GPR39: variants seen among roughly 807,000 people sequenced by gnomAD.
GPR39 encodes the protein zinc sensing receptor.
In GPR39, 23 loss-of-function variants were observed where a neutral mutation model predicts 18.4. The observed-to-expected ratio is 1.25, with a 90% confidence interval of 0.90 to 1.77. The LOEUF is 1.77. GPR39 is among the 40% of genes most tolerant of loss of function. The pLI is 0.00. For synonymous variants in GPR39, 280 were observed against 257.9 expected, an observed-to-expected ratio of 1.09 and a Z score of -0.82; for missense variants, 647 against 602.4, an observed-to-expected ratio of 1.07 and a Z score of -0.78.
At chr2:132,492,710 T>TACACACCATATATATATAATATATAC (rs1297089309) in intron 1 of GPR39, among the ~76,000 whole-genome samples, 2 of 142,210 alleles carry the variant, frequency 1.4e-5, no homozygotes, top group Non-Finnish European at 3.0e-5. Context: ...ATAATATATA[T>TACACACCATATATATATAATATATAC]ACACACCATA....
chr2:132,523,990 A>G (rs1325998087), intron 1 of GPR39: 1 of 152,676 alleles, frequency 6.5e-6, no homozygotes, highest in Admixed American at 6.5e-5. Context: ...ACTTTTGAGA[A>G]ATGCAAATTA....
chr2:132,646,067 G>A lies in GPR39; in HGVS notation c.*461G>A. On this transcript the variant is annotated 3_prime_UTR_variant, in exon 2 of 2. Coordinates refer to ENST00000329321, the MANE Select transcript of GPR39 (RefSeq NM_001508.3). ...GCTTCAGCAGTGTGCCGAGAAGAGG[G>A]CTAATTTGAGGAACAGGATGGTGGT... The A allele has an allele frequency of 6.3e-7, 1 of 1,588,328 alleles. No homozygotes were observed.
chr2:132,516,438 G>A (rs1178521834), intron 1 of GPR39, among the ~76,000 whole-genome samples: 1 of 152,154 alleles, frequency 6.6e-6, no homozygotes, highest in Non-Finnish European at 1.5e-5. Context: ...GTTCAATACA[G>A]GACAGGGAAG....
rs114880551 is a variant in GPR39 at position 132,614,455 on chromosome 2, C to T, written c.857-30646C>T. On this transcript the variant is annotated intron_variant, in intron 1 of 1. Coordinates refer to ENST00000329321, the MANE Select transcript of GPR39 (RefSeq NM_001508.3). ...CCTCGTGATCTTGATCTCTTGACCT[C>T]GTCTTGATCTCTTGACCTTGTGATC... 8.3e-3 allele frequency among the ~76,000 whole-genome samples: 1,261 copies of T among 152,162 alleles called. 16 individuals carry two copies. Among genetic ancestry groups the T allele is most frequent in the African/African-American group, 0.028 (1,182 of 41,496 alleles).
intron 1 of GPR39, among the ~76,000 whole-genome samples, chr2:132,512,731 G>A (rs962654019): frequency 2.6e-5 from 4 of 152,176 alleles, no homozygotes; most frequent in Non-Finnish European, 2.9e-5. Flanking sequence ...TACACAGAGC[G>A]CAGTCATACA....
intron 1 of GPR39, among the ~76,000 whole-genome samples, chr2:132,505,068 T>G (rs1266025623): frequency 1.3e-5 from 2 of 152,178 alleles, no homozygotes; most frequent in Non-Finnish European, 2.9e-5. Context: ...ACTGGATAAT[T>G]AAGAAAGAAA....
chr2:132,605,304 T>A (rs1164971793), intron 1 of GPR39, among the ~76,000 whole-genome samples: 1 of 151,576 alleles, frequency 6.6e-6, no homozygotes, highest in African/African-American at 2.4e-5. Context: ...TAGGCTGGAG[T>A]AAGAGGAGAT....
At chr2:132,420,350 G>A (rs1679987724) in intron 1 of GPR39, among the ~76,000 whole-genome samples, 1 of 152,136 alleles carries the variant, frequency 6.6e-6, no homozygotes, top group Non-Finnish European at 1.5e-5. Flanking sequence ...ACTCAAGTTA[G>A]GAAATAAATT....
intron 1 of GPR39, among the ~76,000 whole-genome samples, chr2:132,520,052 C>G (rs1558824494): frequency 6.6e-6 from 1 of 152,150 alleles, no homozygotes; most frequent in African/African-American, 2.4e-5. Flanking sequence ...GGATTTCCTT[C>G]TCTTCCCTTC....
intron 1 of GPR39, among the ~76,000 whole-genome samples, chr2:132,428,691 A>G (rs1294813449): frequency 6.6e-6 from 1 of 152,232 alleles, no homozygotes; most frequent in Non-Finnish European, 1.5e-5. Context: ...TATGAGAAGC[A>G]CTGATCTACA....
chr2:132,426,388 T>C (rs906910385), intron 1 of GPR39, among the ~76,000 whole-genome samples: 2 of 152,224 alleles, frequency 1.3e-5, no homozygotes, highest in Non-Finnish European at 2.9e-5. Flanking sequence ...ATTGAATTGA[T>C]CTTATAATTA....
chr2:132,625,767 C>A (rs972628995), intron 1 of GPR39, among the ~76,000 whole-genome samples: 1 of 152,138 alleles, frequency 6.6e-6, no homozygotes, highest in African/African-American at 2.4e-5. Context: ...GCTTCATTAA[C>A]CTTCTGACAT....
intron 1 of GPR39, among the ~76,000 whole-genome samples, chr2:132,611,056 G>A (rs1252391714): frequency 6.6e-6 from 1 of 152,200 alleles, no homozygotes; most frequent in Non-Finnish European, 1.5e-5. Context: ...GGTCCAGTCA[G>A]CCATTTCTGC....
At chr2:132,445,423 T>C (rs1680517180) in intron 1 of GPR39, among the ~76,000 whole-genome samples, 1 of 152,202 alleles carries the variant, frequency 6.6e-6, no homozygotes, top group Non-Finnish European at 1.5e-5. Context: ...TACTGACTTA[T>C]TTCCATGATG....
intron 1 of GPR39, among the ~76,000 whole-genome samples, chr2:132,514,219 G>T (rs1472900666): frequency 6.6e-6 from 1 of 152,050 alleles, no homozygotes; most frequent in Non-Finnish European, 1.5e-5. Context: ...CCTAGCCCAG[G>T]CCACTTGGTT....
intron 1 of GPR39, among the ~76,000 whole-genome samples, chr2:132,581,316 C>T (rs1416338917): frequency 4.1e-5 from 6 of 147,264 alleles, no homozygotes; most frequent in Non-Finnish European, 7.4e-5. Context: ...CTTCACAGGG[C>T]TATGGGGGAA....
intron 1 of GPR39, among the ~76,000 whole-genome samples, chr2:132,423,300 TCTC>T (rs1178647631): frequency 6.7e-6 from 1 of 150,160 alleles, no homozygotes; most frequent in Non-Finnish European, 1.5e-5. Flanking sequence ...GCACATGTGT[TCTC>T]CTGGTGTCTC....
intron 1 of GPR39, among the ~76,000 whole-genome samples, chr2:132,508,646 A>G (rs1404913678): frequency 6.6e-6 from 1 of 152,206 alleles, no homozygotes; most frequent in Non-Finnish European, 1.5e-5. Flanking sequence ...TAAGTGTACT[A>G]AAAACCATAT....
At chr2:132,430,838 G>A (rs983877078) in intron 1 of GPR39, among the ~76,000 whole-genome samples, 2 of 152,202 alleles carry the variant, frequency 1.3e-5, no homozygotes, top group African/African-American at 4.8e-5. Flanking sequence ...GGGGACCTTC[G>A]TAAGCTTAGT....
Sources: gnomAD v4.1 joint callset for allele counts (sites outside exome capture counted in the v4.1 genomes callset) on GRCh38, gnomAD v4.1.1 for gene constraint, MANE v1.5 for transcripts, NCBI Gene and HGNC (gene_info 2026-07-23, HGNC 2026-07-21) for gene names.